The following CLIP2 variants were observed in gnomAD, a reference collection of about 807,000 sequenced individuals.
CLIP2 encodes CAP-Gly domain containing linker protein 2.
Under a neutral mutation model 111.7 loss-of-function variants are expected in CLIP2, and 41 were observed. That is an observed-to-expected ratio of 0.37 (90% CI 0.29 to 0.48). The LOEUF (loss-of-function observed/expected upper bound fraction) is 0.48, where lower values mean the gene tolerates loss of function less well. Ranked by LOEUF, CLIP2 falls within the 20% of genes least tolerant of loss-of-function variation. CLIP2 has a pLI of 0.99. For synonymous variants in CLIP2, 660 were observed against 644.2 expected (o/e 1.02, Z -0.37); for missense variants, 1,160 against 1,422.1 (o/e 0.82, Z 2.96).
chr7:74,342,362 C>T (rs1204935266), intron 3 of CLIP2, among the ~76,000 whole-genome samples: 15 of 147,032 alleles, frequency 1.0e-4, no homozygotes, highest in African/African-American at 3.7e-4. Flanking sequence ...GGTGGCAGAG[C>T]GAGACTCTGT....
chr7:74,367,852 A>G (rs1249741235), intron 8 of CLIP2, among the ~76,000 whole-genome samples: 6 of 151,772 alleles, frequency 4.0e-5, no homozygotes, highest in African/African-American at 1.5e-4. Flanking sequence ...TGAGACAGGA[A>G]GGTTGCTTGA....
At chr7:74,302,203 T>C (rs1788358293) in intron 1 of CLIP2, among the ~76,000 whole-genome samples, 1 of 151,870 alleles carries the variant, frequency 6.6e-6, no homozygotes, top group Non-Finnish European at 1.5e-5. Context: ...CCTCCTTTAT[T>C]TTTTATTTTT....
intron 3 of CLIP2, among the ~76,000 whole-genome samples, chr7:74,345,111 C>T (rs1183501652): frequency 3.9e-5 from 6 of 152,190 alleles, no homozygotes; most frequent in African/African-American, 1.4e-4. Flanking sequence ...TCTTGTCTTT[C>T]ATGTGCCAGG....
At chr7:74,300,430 T>C (rs369933106) in intron 1 of CLIP2, among the ~76,000 whole-genome samples, 2 of 151,684 alleles carry the variant, frequency 1.3e-5, no homozygotes, top group South Asian at 2.1e-4. Context: ...CTCCCATCCA[T>C]GTTGCTGAAA....
chr7:74,334,239 G>A (rs1019476493), intron 2 of CLIP2, among the ~76,000 whole-genome samples: 37 of 152,320 alleles, frequency 2.4e-4, no homozygotes, highest in African/African-American at 7.9e-4. Context: ...TTTGATGAGC[G>A]TTTTGTCCCT....
At chr7:74,399,879 G>A (rs1372990738) in intron 14 of CLIP2, among the ~76,000 whole-genome samples, 3 of 151,502 alleles carry the variant, frequency 2.0e-5, no homozygotes, top group Non-Finnish European at 1.5e-5. Flanking sequence ...GCAAGGCTGG[G>A]CGCAGTGGCT....
In CLIP2 at chr7:74,376,762, C is replaced by A; in HGVS notation, c.2361C>A (p.Leu787=). ...AGGTCGAGAGTTTGCGGGAGAAGCTCCTGGTGGCTGAGAACAGACTCCAGG... is the reference window on the plus strand; with the variant it reads ...AGGTCGAGAGTTTGCGGGAGAAGCTACTGGTGGCTGAGAACAGACTCCAGG... ...KQEVESLREK[L]LVAENRLQAV... Residue 787 remains leucine, a synonymous_variant, in exon 10 of 17, where the codon CTC becomes CTA. Coordinates refer to ENST00000223398, the MANE Select transcript of CLIP2 (RefSeq NM_003388.5). This position sits in a 1 kb window ranked among gnomAD's most constrained non-coding sequence, Gnocchi z 7.1. 6.2e-7 allele frequency: 1 copy of A among 1,611,776 alleles called. No homozygotes were observed. The highest frequency in any genetic ancestry group is 1.1e-5 in the South Asian group (1 of 90,568).
In CLIP2 at chr7:74,389,266, C is replaced by T. The variant is rs373591552; in HGVS notation, c.2720+7C>T. On this transcript the variant is annotated splice_region_variant and intron_variant, in intron 13 of 16. Coordinates refer to ENST00000223398, the MANE Select transcript of CLIP2 (RefSeq NM_003388.5). ...AGCTGCTGCGGAAGGAGCGGTGAGG[C>T]GGCCGTGGGGCCGGCTGGGTCCTCC... 115 of 1,578,108 alleles carry T rather than the reference C, an allele frequency of 7.3e-5. No homozygotes were observed. The highest frequency in any genetic ancestry group is 7.0e-4 in the Admixed American group (37 of 52,694).
chr7:74,305,089 G>T lies in CLIP2; in HGVS notation c.-67-12391G>T, dbSNP rs1020613837. ...CTGTGGGTGGCTCCAGGGCAGGCAGGCCAATTGCCAGGGAGGACCCTCTAG... is the reference window on the plus strand; with the variant it reads ...CTGTGGGTGGCTCCAGGGCAGGCAGTCCAATTGCCAGGGAGGACCCTCTAG... On this transcript the variant is annotated intron_variant, in intron 1 of 16. Transcript: ENST00000223398. Among the ~76,000 whole-genome samples the T allele has an allele frequency of 3.7e-4, 56 of 150,624 alleles. 1 individual carries two copies. The highest frequency in any genetic ancestry group is 4.4e-4 in the Non-Finnish European group (30 of 67,476).
At chr7:74,295,512 C>G (rs1410643868) in intron 1 of CLIP2, among the ~76,000 whole-genome samples, 2 of 152,114 alleles carry the variant, frequency 1.3e-5, no homozygotes, top group African/African-American at 2.4e-5. Context: ...TAGCCTGTTC[C>G]CTTTTGTAAT....
chr7:74,331,148 G>A (rs1208400448), intron 2 of CLIP2, among the ~76,000 whole-genome samples: 2 of 129,718 alleles, frequency 1.5e-5, no homozygotes, highest in African/African-American at 5.9e-5. Context: ...AGAGGTTGCA[G>A]TGAGCCGAGA....
intron 2 of CLIP2, among the ~76,000 whole-genome samples, chr7:74,334,782 C>T (rs1266658014): frequency 1.3e-5 from 2 of 149,900 alleles, no homozygotes; most frequent in African/African-American, 2.5e-5. Flanking sequence ...AAGTTTGAGA[C>T]CAGCCTTACC....
At chr7:74,372,585 T>C (rs1040186992) in intron 8 of CLIP2, among the ~76,000 whole-genome samples, 1 of 145,702 alleles carries the variant, frequency 6.9e-6, no homozygotes, top group Non-Finnish European at 1.5e-5. Context: ...GGGCTGCTGG[T>C]TGGGGGTTGG....
At chr7:74,313,173 C>G (rs566835913) in intron 1 of CLIP2, among the ~76,000 whole-genome samples, 2 of 151,600 alleles carry the variant, frequency 1.3e-5, no homozygotes, top group Non-Finnish European at 2.9e-5. Flanking sequence ...TAAACTTAGC[C>G]GGGGCAGGGG....
chr7:74,367,517 G>A (rs1790494993), intron 8 of CLIP2, among the ~76,000 whole-genome samples: 1 of 152,016 alleles, frequency 6.6e-6, no homozygotes, highest in South Asian at 2.1e-4. Context: ...ATACAGATGG[G>A]TTCTCACTAT....
chr7:74,301,082 C>T (rs1554726761), intron 1 of CLIP2, among the ~76,000 whole-genome samples: 2 of 152,192 alleles, frequency 1.3e-5, no homozygotes, highest in African/African-American at 4.8e-5. Context: ...TCCACATCCT[C>T]TCCAACATGC....
intron 16 of CLIP2, among the ~76,000 whole-genome samples, chr7:74,402,278 C>T (rs371089047): frequency 1.4e-5 from 2 of 148,146 alleles, no homozygotes; most frequent in East Asian, 2.0e-4. Flanking sequence ...TGCAATGAGC[C>T]GAGATCGCGC....
intron 2 of CLIP2, among the ~76,000 whole-genome samples, chr7:74,333,945 G>A (rs147062985): frequency 6.6e-5 from 10 of 152,320 alleles, no homozygotes; most frequent in African/African-American, 9.6e-5. Flanking sequence ...GATATGGACC[G>A]AGGAAGCTCC....
At chr7:74,349,443 A>AG (rs1175982642) in intron 3 of CLIP2, among the ~76,000 whole-genome samples, 1 of 82,722 alleles carries the variant, frequency 1.2e-5, no homozygotes, top group African/African-American at 3.3e-5. Context: ...AAAAAAAAAA[A>AG]AAAAGTATGT....
Sources: gnomAD v4.1 joint callset for allele counts (sites outside exome capture counted in the v4.1 genomes callset) on GRCh38, gnomAD v4.1.1 for gene constraint, Gnocchi (gnomAD v3.1) non-coding constraint, MANE v1.5 for transcripts, NCBI Gene and HGNC (gene_info 2026-07-23, HGNC 2026-07-21) for gene names.